CHID1: variants seen among roughly 807,000 people sequenced by gnomAD.
CHID1 encodes the protein chitinase domain containing 1, also known as chitinase domain-containing protein 1.
CHID1 carries 44 observed loss-of-function variants against 55.4 expected under a neutral mutation model. That is an observed-to-expected ratio of 0.79 (90% CI 0.62 to 1.02). The LOEUF (loss-of-function observed/expected upper bound fraction) is 1.02. Ranked by LOEUF, CHID1 falls within the 50% of genes least tolerant of loss-of-function variation. The pLI, the probability that CHID1 is intolerant of heterozygous loss-of-function variation, is 0.00. For synonymous variants in CHID1, 216 were observed against 212.9 expected (o/e 1.01, Z -0.13); for missense variants, 491 against 515.3 (o/e 0.95, Z 0.46).
intron 4 of CHID1, among the ~76,000 whole-genome samples, 155 bp from the exon 5 acceptor site, chr11:901,135 G>A (rs1016660722): frequency 2.0e-5 from 3 of 151,768 alleles, no homozygotes; most frequent in South Asian, 2.1e-4. Context: ...CCTGGCCCAG[G>A]GCTGGCTCTC....
Position 906,185 on chromosome 11 carries a change from C to T in CHID1, c.-43-1326G>A, listed in dbSNP as rs12791088. Reference sequence around the variant, plus strand: ...CTGACCTCAGGTGATCTGCCCACCTCGGCCCCCCCAAAGTGCTGGGATTAC... The same window carrying T: ...CTGACCTCAGGTGATCTGCCCACCTTGGCCCCCCCAAAGTGCTGGGATTAC... On this transcript the variant is annotated intron_variant, in intron 1 of 12. Transcript: ENST00000323578. Among the ~76,000 whole-genome samples, 718 of 151,158 alleles carry T rather than the reference C, an allele frequency of 4.7e-3. 3 individuals carry two copies. Among genetic ancestry groups the T allele is most frequent in the African/African-American group, 0.017 (689 of 41,350 alleles).
intron 10 of CHID1, among the ~76,000 whole-genome samples, chr11:871,466 G>T (rs998695429): frequency 1.3e-5 from 2 of 152,286 alleles, no homozygotes; most frequent in Non-Finnish European, 2.9e-5. Context: ...GCGGCTTCCA[G>T]GTCACGGGGC....
intron 12 of CHID1, 75 bp downstream of exon 12, chr11:870,046 G>A: frequency 6.2e-7 from 1 of 1,608,756 alleles, no homozygotes; most frequent in South Asian, 1.1e-5. Context: ...GCACCGCCTG[G>A]ACCCCAGGCC....
In CHID1 at chr11:869,885, G is replaced by A. The variant is rs763053936; in HGVS notation, c.1155C>T (p.Gly385=). Residue 385 remains glycine, a synonymous_variant, in exon 13 of 13, where the codon GGC becomes GGT. Coordinates refer to ENST00000323578, the MANE Select transcript of CHID1 (RefSeq NM_023947.4). ...VGVSIWELGQ[G]LDYFYDLL ...AGAGCAGGTCGTAGAAGTAGTCCAG[G>A]CCCTGGCCCAGCTCCCAGATAGAGA... is the stretch of plus-strand genomic sequence containing the variant. 9.3e-6 allele frequency: 15 copies of A among 1,613,098 alleles called. No individual in the cohort carries two copies. The highest frequency in any genetic ancestry group is 1.2e-5 in the Non-Finnish European group (14 of 1,179,958).
chr11:900,196 C>G, intron 5 of CHID1, 86 bp from the exon 6 acceptor site: 1 of 1,069,522 alleles, frequency 9.3e-7, no homozygotes, highest in Non-Finnish European at 1.4e-6. Flanking sequence ...AAGGCATCCC[C>G]TTGGCCTCCA....
chr11:893,650 C>A (rs1469894897), intron 7 of CHID1, 131 bp from the exon 8 acceptor site: 3 of 662,166 alleles, frequency 4.5e-6, no homozygotes, highest in Non-Finnish European at 7.7e-6. Flanking sequence ...GGCAGGTGGG[C>A]CCCTTCGTGG....
intron 7 of CHID1, among the ~76,000 whole-genome samples, chr11:895,901 C>G (rs1168801565): frequency 2.0e-5 from 3 of 152,020 alleles, no homozygotes; most frequent in African/African-American, 4.8e-5. Context: ...CAGCTCCCCA[C>G]CTTCCCGCAG....
chr11:872,336 T>G (rs1849235491), intron 10 of CHID1, among the ~76,000 whole-genome samples: 1 of 152,192 alleles, frequency 6.6e-6, no homozygotes, highest in South Asian at 2.1e-4. Context: ...TTTTGTATTT[T>G]TAGTAGAGAT....
intron 10 of CHID1, among the ~76,000 whole-genome samples, chr11:878,765 G>T (rs982894817): frequency 6.6e-6 from 1 of 151,532 alleles, no homozygotes; most frequent in Non-Finnish European, 1.5e-5. Context: ...GCAATGGCGC[G>T]ATCTCCACTC....
intron 8 of CHID1, among the ~76,000 whole-genome samples, chr11:892,984 T>A (rs1426887607): frequency 6.6e-6 from 1 of 152,106 alleles, no homozygotes; most frequent in Non-Finnish European, 1.5e-5. Context: ...ACACAGCGAG[T>A]GGCCCGCAGT....
intron 9 of CHID1, 70 bp downstream of exon 9, chr11:883,998 C>A (rs1850198447): frequency 3.2e-6 from 4 of 1,241,412 alleles, no homozygotes; most frequent in Middle Eastern, 1.9e-4. Context: ...CCCAGGAGCC[C>A]CCCAGGTCCA....
At position 870,438 on chromosome 11, in the gene CHID1, G is replaced by A. The variant is rs370672044; in HGVS notation, c.1021C>T (p.His341Tyr). 1.9e-6 allele frequency: 3 copies of A among 1,611,638 alleles called. No individual in the cohort carries two copies. The highest frequency in any genetic ancestry group is 2.7e-5 in the African/African-American group (2 of 74,924). ...ACTCACTTCTTGTACTCGAAGAAGT[G>A]CTCTGAGGCCTGGCTGTCCCACACC... is the stretch of plus-strand genomic sequence containing the variant. The part of the protein sequence containing the change: ...RMVWDSQASE[H>Y]FFEYKKSRSG... The change falls in exon 11 of 13, where the codon CAC (histidine) becomes TAC (tyrosine). Residue 341 changes from histidine to tyrosine, a missense_variant. Physicochemically the swap from His to Tyr is moderately conservative, Grantham distance 83 (BLOSUM62 2). Transcript: ENST00000323578.
At chr11:899,423 G>GAA (rs1565195277) in intron 6 of CHID1, 22 bp from the exon 7 acceptor site, 3 of 1,587,090 alleles carry the variant, frequency 1.9e-6, no homozygotes, top group Admixed American at 1.8e-5. Flanking sequence ...AGTCACAGGT[G>GAA]AGGAGGGCCT....
In CHID1 at chr11:902,336, A is replaced by C; in HGVS notation, c.262-6T>G. 6.2e-7 allele frequency: 1 copy of C among 1,608,644 alleles called. No homozygotes were observed. The highest frequency in any genetic ancestry group is 1.1e-5 in the South Asian group (1 of 90,990). ...TCGTAGCCATGGCTGTTCCACTGGCAAAAGATGGAGACATCAGACGGAGGA... is the reference window on the plus strand; with the variant it reads ...TCGTAGCCATGGCTGTTCCACTGGCCAAAGATGGAGACATCAGACGGAGGA... On this transcript the variant is annotated splice_polypyrimidine_tract_variant and splice_region_variant and intron_variant, in intron 3 of 12. Coordinates refer to ENST00000323578, the MANE Select transcript of CHID1 (RefSeq NM_023947.4).
chr11:871,093 T>C (rs1849150047), intron 10 of CHID1, among the ~76,000 whole-genome samples: 1 of 150,148 alleles, frequency 6.7e-6, no homozygotes, highest in Non-Finnish European at 1.5e-5. Flanking sequence ...CAGATTCAGG[T>C]GATTCTTCTG....
At chr11:878,088 C>A (rs943343691) in intron 10 of CHID1, among the ~76,000 whole-genome samples, 4 of 152,236 alleles carry the variant, frequency 2.6e-5, no homozygotes, top group Non-Finnish European at 5.9e-5. Flanking sequence ...ACAGAACTGG[C>A]CACGGGCCTT....
At chr11:908,476 A>G in intron 1 of CHID1, 1 of 633,598 alleles carries the variant, frequency 1.6e-6, no homozygotes, top group Non-Finnish European at 2.0e-6. Context: ...TGAGTCAGCA[A>G]CAGCCCCAGG....
intron 8 of CHID1, among the ~76,000 whole-genome samples, chr11:892,090 G>GGGCGACAGAGTGAGACTCTATCT (rs1565184417): frequency 6.6e-6 from 1 of 152,158 alleles, no homozygotes. Context: ...ACTCCAGCCT[G>GGGCGACAGAGTGAGACTCTATCT]GGCGACAGAG....
chr11:904,576 A>G, intron 2 of CHID1, 130 bp downstream of exon 2: 1 of 1,056,660 alleles, frequency 9.5e-7, no homozygotes, highest in South Asian at 1.5e-5. Context: ...CTGCGGGCTC[A>G]TCAGGTGCCT....
Sources: gnomAD v4.1 joint callset for allele counts (sites outside exome capture counted in the v4.1 genomes callset) on GRCh38, gnomAD v4.1.1 for gene constraint, MANE v1.5 for transcripts, NCBI Gene and HGNC (gene_info 2026-07-23, HGNC 2026-07-21) for gene names.